Variants in LRBA observed in about 807,000 individuals in gnomAD.
LRBA encodes LPS responsive beige-like anchor protein.
In LRBA, 176 loss-of-function variants were observed where a neutral mutation model predicts 330.0. The ratio of observed to expected loss-of-function variants is 0.53; its 90% CI spans 0.47 to 0.60. The LOEUF (loss-of-function observed/expected upper bound fraction) is 0.60, where lower values mean the gene tolerates loss of function less well. LRBA is among the 20% of genes least tolerant of loss of function. The pLI is 0.00. For synonymous variants in LRBA, 1,230 were observed against 1,193.0 expected, an observed-to-expected ratio of 1.03 and a Z score of -0.64; for missense variants, 3,259 against 3,444.8, an observed-to-expected ratio of 0.95 and a Z score of 1.35.
At chr4:150,958,417 C>T (rs904162270) in intron 2 of LRBA, among the ~76,000 whole-genome samples, 1 of 148,948 alleles carries the variant, frequency 6.7e-6, no homozygotes, top group Non-Finnish European at 1.5e-5. Context: ...CTGCAAGTCC[C>T]GGAGGCCAGC....
intron 2 of LRBA, among the ~76,000 whole-genome samples, chr4:151,003,928 TGTGTGTGA>T (rs1431857000): frequency 7.0e-6 from 1 of 143,354 alleles, no homozygotes; most frequent in African/African-American, 2.7e-5. Context: ...TGTGTGTGTG[TGTGTGTGA>T]CAGTCTCATG....
chr4:150,716,393 T>TA (rs1053959007), intron 36 of LRBA, among the ~76,000 whole-genome samples: 1 of 151,756 alleles, frequency 6.6e-6, no homozygotes, highest in Non-Finnish European at 1.5e-5. Flanking sequence ...TTTCAGTGCA[T>TA]AAAAAAAAGA....
chr4:150,823,701 C>T (rs1745804707), intron 30 of LRBA, among the ~76,000 whole-genome samples: 1 of 152,122 alleles, frequency 6.6e-6, no homozygotes, highest in African/African-American at 2.4e-5. Flanking sequence ...CTCAGTACCA[C>T]TGAGAAGACT....
chr4:150,478,043 G>A (rs1255504784), intron 42 of LRBA, among the ~76,000 whole-genome samples: 1 of 152,066 alleles, frequency 6.6e-6, no homozygotes, highest in African/African-American at 2.4e-5. Flanking sequence ...GTTTTTGGGA[G>A]GGCAGGGATG....
Position 150,402,542 on chromosome 4 carries a change from ATAATACAAACTAAATTT to A in LRBA, c.7194+12879_7194+12895del, listed in dbSNP as rs1202179168. 7.2e-5 allele frequency among the ~76,000 whole-genome samples: 11 copies of A among 152,300 alleles called. No homozygotes were observed. In the East Asian group the frequency reaches 2.1e-3, roughly 29 times the overall value. Reference sequence around the variant, plus strand: ...AGTCACGGCATTTAATACAATAAAAATAATACAAACTAAATTTGCCTTTGCTTAAAAATAAGAATCAG... The same window carrying A: ...AGTCACGGCATTTAATACAATAAAAAGCCTTTGCTTAAAAATAAGAATCAG... On this transcript the variant is annotated intron_variant, in intron 47 of 56. Coordinates refer to ENST00000651943, the MANE Select transcript of LRBA (RefSeq NM_001364905.1).
intron 44 of LRBA, among the ~76,000 whole-genome samples, chr4:150,447,651 A>G (rs1258010601): frequency 6.6e-6 from 1 of 152,216 alleles, no homozygotes; most frequent in Non-Finnish European, 1.5e-5. Flanking sequence ...ATACAGATAC[A>G]TAGATAACTC....
chr4:150,808,182 C>T (rs768977646), intron 32 of LRBA, 138 bp downstream of exon 32: 2 of 587,066 alleles, frequency 3.4e-6, no homozygotes, highest in Non-Finnish European at 5.9e-6. Flanking sequence ...CTAAAATGTT[C>T]CCAAGCCTCT....
intron 37 of LRBA, among the ~76,000 whole-genome samples, chr4:150,624,216 T>C (rs1440359314): frequency 6.6e-6 from 1 of 151,956 alleles, no homozygotes; most frequent in Non-Finnish European, 1.5e-5. Context: ...TTTGAAACCC[T>C]GACTGTTGCT....
chr4:150,636,319 C>T (rs750498744), intron 37 of LRBA, among the ~76,000 whole-genome samples: 3 of 151,906 alleles, frequency 2.0e-5, no homozygotes, highest in Non-Finnish European at 2.9e-5. Flanking sequence ...TTTTATTCAA[C>T]GGATTATAAT....
chr4:150,662,331 T>C (rs985970460), intron 37 of LRBA, among the ~76,000 whole-genome samples: 10 of 152,320 alleles, frequency 6.6e-5, no homozygotes, highest in African/African-American at 2.4e-4. Context: ...AAAATGTCAG[T>C]ACGAGAAGGA....
intron 22 of LRBA, among the ~76,000 whole-genome samples, chr4:150,856,998 T>C (rs1398791705): frequency 6.6e-6 from 1 of 152,194 alleles, no homozygotes; most frequent in Non-Finnish European, 1.5e-5. Flanking sequence ...CTTTTTAATC[T>C]ATACATTAAA....
intron 35 of LRBA, among the ~76,000 whole-genome samples, chr4:150,744,572 C>T (rs1337581233): frequency 1.3e-5 from 2 of 152,114 alleles, no homozygotes; most frequent in Non-Finnish European, 1.5e-5. Context: ...ATTTTTGTGC[C>T]TCTGCCTTTT....
At chr4:150,385,272 T>C (rs1561100582) in intron 47 of LRBA, among the ~76,000 whole-genome samples, 1 of 152,140 alleles carries the variant, frequency 6.6e-6, no homozygotes, top group East Asian at 1.9e-4. Flanking sequence ...CACAACTCTT[T>C]ATGTAAAAGC....
chr4:150,718,661 TAAC>T (rs1208316529), intron 36 of LRBA, among the ~76,000 whole-genome samples: 2 of 152,186 alleles, frequency 1.3e-5, no homozygotes, highest in African/African-American at 2.4e-5. Context: ...AAATTTTAAG[TAAC>T]AACAATATTT....
chr4:150,901,083 A>C (rs1730670580), intron 13 of LRBA, among the ~76,000 whole-genome samples: 2 of 152,098 alleles, frequency 1.3e-5, no homozygotes, highest in South Asian at 4.1e-4. Context: ...AGATCACTTG[A>C]GGTCAGGAGT....
chr4:150,648,518 A>G (rs1303077218), intron 37 of LRBA, among the ~76,000 whole-genome samples: 1 of 152,030 alleles, frequency 6.6e-6, no homozygotes, highest in African/African-American at 2.4e-5. Context: ...AAAAGTCTGC[A>G]AGCTTTCCAG....
At chr4:150,661,384 C>T (rs893507753) in intron 37 of LRBA, among the ~76,000 whole-genome samples, 4 of 149,370 alleles carry the variant, frequency 2.7e-5, no homozygotes, top group African/African-American at 7.4e-5. Flanking sequence ...TTGCTTGAAG[C>T]TGGGAAAGCC....
Position 150,806,256 on chromosome 4 carries a change from A to C in LRBA, c.5518+15T>G. The C allele has an allele frequency of 3.3e-6, 5 of 1,534,928 alleles. No individual in the cohort carries two copies. Among genetic ancestry groups the C allele is most frequent in the Non-Finnish European group, 4.4e-6 (5 of 1,144,858 alleles). On this transcript the variant is annotated intron_variant, in intron 33 of 56. Transcript: ENST00000651943. ...ATATAAATACATACAAATAAAATAAAGAAAAACCACTTACTTGTTCCTTCT... is the reference window on the plus strand; with the variant it reads ...ATATAAATACATACAAATAAAATAACGAAAAACCACTTACTTGTTCCTTCT...
At position 150,703,029 on chromosome 4, in the gene LRBA, T is replaced by C. The variant is rs4696221; in HGVS notation, c.5755-19312A>G. On this transcript the variant is annotated intron_variant, in intron 36 of 56. Coordinates refer to ENST00000651943, the MANE Select transcript of LRBA (RefSeq NM_001364905.1). ...TACAAAAATTAGCCAGGCGTCATAG[T>C]GGACGCCTGTGATCCCAGCTACTCG... Among the ~76,000 whole-genome samples, 311 of 152,236 alleles carry C rather than the reference T, an allele frequency of 2.0e-3. 2 individuals carry two copies. The highest frequency in any genetic ancestry group is 0.02 in the Middle Eastern group (6 of 294).
Sources: gnomAD v4.1 joint callset for allele counts (sites outside exome capture counted in the v4.1 genomes callset) on GRCh38, gnomAD v4.1.1 for gene constraint, MANE v1.5 for transcripts, NCBI Gene and HGNC (gene_info 2026-07-23, HGNC 2026-07-21) for gene names.